Variants in INTS2 observed in about 807,000 individuals in gnomAD.
INTS2 encodes the protein integrator complex subunit 2, also known as KIAA1287.
A neutral mutation model predicts 139.6 loss-of-function variants in INTS2; 57 were observed. The ratio of observed to expected loss-of-function variants is 0.41; its 90% confidence interval spans 0.33 to 0.51. The LOEUF (loss-of-function observed/expected upper bound fraction) is 0.51, where lower values mean the gene tolerates loss of function less well. INTS2 is among the 20% of genes least tolerant of loss of function. The pLI is 0.28. For missense variants in INTS2, 1,196 were observed against 1,436.7 expected, an observed-to-expected ratio of 0.83 and a Z score of 2.71; for synonymous variants, 473 against 493.4, an observed-to-expected ratio of 0.96 and a Z score of 0.55.
Position 61,911,553 on chromosome 17 carries a change from A to C in INTS2, c.921T>G (p.Thr307=). 1.2e-6 allele frequency: 2 copies of C among 1,614,002 alleles called. No homozygotes were observed. Residue 307 remains threonine (T), a synonymous_variant, in exon 7 of 25, where the codon ACT becomes ACG. Coordinates refer to ENST00000251334, the MANE Select transcript of INTS2 (RefSeq NM_001351695.2). ...CATTTCGGATAAAAGTTCCAAACCA[A>C]GTCCGGACTTTCGCATTTGTTCCAA... ...LLLGTNAKVR[T]WFGTFIRNGQ... is the part of the protein sequence containing the mutation.
rs551691496 is a variant in INTS2, at chr17:61,902,929, G to A, written c.1307+1531C>T. Reference sequence around the variant, plus strand: ...CGCCTGTAATCCCAGCACTTTGGGAGGCCGAGGCGGGTGGATCGCGAGGTC... The same window carrying A: ...CGCCTGTAATCCCAGCACTTTGGGAAGCCGAGGCGGGTGGATCGCGAGGTC... On this transcript the variant is annotated intron_variant, in intron 9 of 24. Transcript: ENST00000251334. Among the ~76,000 whole-genome samples the A allele has an allele frequency of 5.0e-4, 75 of 151,074 alleles. 1 individual carries two copies. Among genetic ancestry groups the A allele is most frequent in the African/African-American group, 1.8e-3 (74 of 41,292 alleles).
rs78460850 is a variant in INTS2, at chr17:61,909,823, ATGTGTGTGTGTGTG to A, written c.954+1683_954+1696del. Among the ~76,000 whole-genome samples the A allele has an allele frequency of 1.3e-4, 18 of 138,888 alleles. No individual in the cohort carries two copies. Among genetic ancestry groups the A allele is most frequent in the Admixed American group, 7.2e-4 (10 of 13,976 alleles). The allele number at this position is 138,888 out of a possible 152,430, so 91.1% of individuals were successfully genotyped here. Reference sequence around the variant, plus strand: ...TATACGTGTGTGTGTACATGTGTGTATGTGTGTGTGTGTGTGTGTGTGTGTGTGTGTGTGTGTGC... The same window carrying A: ...TATACGTGTGTGTGTACATGTGTGTATGTGTGTGTGTGTGTGTGTGTGTGC... On this transcript the variant is annotated intron_variant, in intron 7 of 24. Transcript: ENST00000251334. The surrounding 1 kb of genome is among the most constrained non-coding windows in gnomAD (Gnocchi z 4.9).
chr17:61,874,464 G>T (rs2079112207), intron 19 of INTS2, among the ~76,000 whole-genome samples: 1 of 152,180 alleles, frequency 6.6e-6, no homozygotes, highest in African/African-American at 2.4e-5. Flanking sequence ...AAGCAATGCT[G>T]AAGTTTAGCA....
chr17:61,927,748 G>T lies in INTS2; in HGVS notation c.-113C>A. The T allele has an allele frequency of 6.6e-7, 1 of 1,513,226 alleles. No individual in the cohort carries two copies. The highest frequency in any genetic ancestry group is 8.8e-7 in the Non-Finnish European group (1 of 1,133,676). The allele number at this position is 1,513,226 out of a possible 1,614,324, so 93.7% of individuals were successfully genotyped here. A position where few individuals can be genotyped will look rare whatever the true frequency, so the allele number is the denominator to read the frequency against. ...AAATCGAGAGCGCGGTCCGATGTTG[G>T]GCCTAGGCGATATCCGGAACCCCAA... is the stretch of plus-strand genomic sequence containing the variant. On this transcript the variant is annotated 5_prime_UTR_variant, in exon 1 of 25. Transcript: ENST00000251334.
chr17:61,869,890 T>C lies in INTS2; in HGVS notation c.2877A>G (p.Gln959=). 6.2e-7 allele frequency: 1 copy of C among 1,613,942 alleles called. No individual in the cohort carries two copies. The highest frequency in any genetic ancestry group is 8.5e-7 in the Non-Finnish European group (1 of 1,179,832). Reference sequence around the variant, plus strand: ...TTGGAGCGCTGGTGGTAATAACACTTTGAACATTTCTTAACAAGCTATCTG... The same window carrying C: ...TTGGAGCGCTGGTGGTAATAACACTCTGAACATTTCTTAACAAGCTATCTG... ...VNPDSLLRNV[Q]SVITTSAPNK... The change falls in exon 21 of 25, where the codon CAA becomes CAG. Residue 959 remains glutamine (Q), a synonymous_variant. Transcript: ENST00000251334. The surrounding 1 kb of genome is among the most constrained non-coding windows in gnomAD (Gnocchi z 5.4).
At chr17:61,915,377 T>TAAGC (rs2079570490) in intron 5 of INTS2, among the ~76,000 whole-genome samples, 1 of 147,178 alleles carries the variant, frequency 6.8e-6, no homozygotes, top group South Asian at 2.1e-4. Flanking sequence ...AATAAATAAA[T>TAAGC]AAGCCAGGTG....
intron 1 of INTS2, 110 bp downstream of exon 1, chr17:61,927,544 C>T: frequency 1.5e-6 from 1 of 680,558 alleles, no homozygotes; most frequent in Non-Finnish European, 1.9e-6. Flanking sequence ...TCCTCCGTCT[C>T]GCCCCGGGCG....
rs1053468629 is a variant in INTS2, at chr17:61,893,455, G to C, written c.1698+310C>G. 1.3e-5 allele frequency among the ~76,000 whole-genome samples: 2 copies of C among 152,108 alleles called. No individual in the cohort carries two copies. ...TCACGCCTGTAATCCCAGCACTTTG[G>C]TCGGTTGAGACAGGCATATCACTTG... On this transcript the variant is annotated intron_variant, in intron 13 of 24. Transcript: ENST00000251334. This position sits in a 1 kb window ranked among gnomAD's most constrained non-coding sequence, Gnocchi z 5.4.
chr17:61,895,309 A>G lies in INTS2; in HGVS notation c.1563+6T>C. Reference sequence around the variant, plus strand: ...TAAATAAGTACCTAAGAATAAAAAGAAATACCTGCTCAGTAAAAATTTCCT... The same window carrying G: ...TAAATAAGTACCTAAGAATAAAAAGGAATACCTGCTCAGTAAAAATTTCCT... On this transcript the variant is annotated splice_donor_region_variant and intron_variant, in intron 12 of 24. Coordinates refer to ENST00000251334, the MANE Select transcript of INTS2 (RefSeq NM_001351695.2). 1 of 1,540,520 alleles carries G rather than the reference A, an allele frequency of 6.5e-7. No individual in the cohort carries two copies. The highest frequency in any genetic ancestry group is 1.2e-5 in the South Asian group (1 of 80,648).
rs772583088 is a variant in INTS2 at position 61,869,906 on chromosome 17, A to C, written c.2861T>G (p.Leu954Trp). 1 of 1,613,908 alleles carries C rather than the reference A, an allele frequency of 6.2e-7. No individual in the cohort carries two copies. The highest frequency in any genetic ancestry group is 1.1e-5 in the South Asian group (1 of 91,076). Reference protein sequence around the residue: ...EKANGVNPDSLLRNVQSVITT... With the variant: ...EKANGVNPDSWLRNVQSVITT... ...AATAACACTTTGAACATTTCTTAAC[A>C]AGCTATCTGGATTGACACCATTTGC... The change falls in exon 21 of 25, where the codon TTG becomes TGG. Residue 954 changes from leucine (L) to tryptophan (W), a missense_variant. This residue lies in a region of INTS2 where 1,129 missense variants were observed against 1,341.9 expected (regional missense o/e 0.84). Coordinates refer to ENST00000251334, the MANE Select transcript of INTS2 (RefSeq NM_001351695.2). This position sits in a 1 kb window ranked among gnomAD's most constrained non-coding sequence, Gnocchi z 5.4.
chr17:61,873,834 C>T lies in INTS2; in HGVS notation c.2582+1079G>A, dbSNP rs1040170116. Among the ~76,000 whole-genome samples the T allele has an allele frequency of 6.6e-6, 1 of 152,128 alleles. No homozygotes were observed. Among genetic ancestry groups the T allele is most frequent in the African/African-American group, 2.4e-5 (1 of 41,430 alleles). On this transcript the variant is annotated intron_variant, in intron 19 of 24. Coordinates refer to ENST00000251334, the MANE Select transcript of INTS2 (RefSeq NM_001351695.2). This position sits in a 1 kb window ranked among gnomAD's most constrained non-coding sequence, Gnocchi z 4.0. ...ATCCACCTAGCACAAAGCATCTTTT[C>T]CTAAGTTATAACCCCAACCACATTA...
intron 7 of INTS2, chr17:61,910,591 CAAAAAA>C (rs759701649): frequency 4.9e-5 from 4 of 81,576 alleles, no homozygotes; most frequent in African/African-American, 1.0e-4. Flanking sequence ...GACGCCGTCT[CAAAAAA>C]AAAAAAAAAA....
chr17:61,896,544 CATA>C (rs1199435488), intron 11 of INTS2, among the ~76,000 whole-genome samples: 1 of 151,862 alleles, frequency 6.6e-6, no homozygotes, highest in Non-Finnish European at 1.5e-5. Flanking sequence ...ATGTATAAGG[CATA>C]ATGACATATC....
intron 15 of INTS2, among the ~76,000 whole-genome samples, chr17:61,886,199 C>T (rs549795635): frequency 3.9e-5 from 6 of 152,014 alleles, no homozygotes; most frequent in Non-Finnish European, 5.9e-5. Flanking sequence ...TACAGGTGCC[C>T]GCCACCACGC....
At chr17:61,912,962 G>C (rs1161718500) in intron 5 of INTS2, among the ~76,000 whole-genome samples, 1 of 152,026 alleles carries the variant, frequency 6.6e-6, no homozygotes, top group African/African-American at 2.4e-5. Context: ...TATAGTCCCA[G>C]CTGCTCAGGA....
At position 61,869,491 on chromosome 17, in the gene INTS2, C is replaced by A; in HGVS notation, c.3031-111G>T. The A allele has an allele frequency of 1.1e-6, 1 of 872,546 alleles. No individual in the cohort carries two copies. The highest frequency in any genetic ancestry group is 1.8e-5 in the South Asian group (1 of 56,184). The allele number at this position is 872,546 out of a possible 1,614,324, so 54.1% of individuals were successfully genotyped here. A position where few individuals can be genotyped will look rare whatever the true frequency, so the allele number is the denominator to read the frequency against. Reference sequence around the variant, plus strand: ...CTTTCTGTAAAAATTGCTCAGAAGGCTATAGTGCCCCATATGTAACCTGGC... The same window carrying A: ...CTTTCTGTAAAAATTGCTCAGAAGGATATAGTGCCCCATATGTAACCTGGC... On this transcript the variant is annotated intron_variant, in intron 21 of 24. Transcript: ENST00000251334. The surrounding 1 kb of genome is among the most constrained non-coding windows in gnomAD (Gnocchi z 5.4).
rs1028441383 is a variant in INTS2 at position 61,868,627 on chromosome 17, C to T, written c.3244+407G>A. Among the ~76,000 whole-genome samples, 5 of 152,092 alleles carry T rather than the reference C, an allele frequency of 3.3e-5. No homozygotes were observed. Among genetic ancestry groups the T allele is most frequent in the African/African-American group, 1.2e-4 (5 of 41,432 alleles). On this transcript the variant is annotated intron_variant, in intron 23 of 24. Transcript: ENST00000251334. The surrounding 1 kb of genome is among the most constrained non-coding windows in gnomAD (Gnocchi z 4.7). ...TTAGAACTTATGAAGACATCTAATA[C>T]ATTTATCTTTCATTTATACATATGA...
chr17:61,872,584 C>T lies in INTS2; in HGVS notation c.2583-124G>A. 3 of 521,232 alleles carry T rather than the reference C, an allele frequency of 5.8e-6. No individual in the cohort carries two copies. The highest frequency in any genetic ancestry group is 9.7e-6 in the Non-Finnish European group (3 of 309,458). The allele number at this position is 521,232 out of a possible 1,614,324, so 32.3% of individuals were successfully genotyped here. A position where few individuals can be genotyped will look rare whatever the true frequency, so the allele number is the denominator to read the frequency against. The stretch of plus-strand genomic sequence containing the variant: ...CTGAGTAGTACATACTAACTTTTCC[C>T]ACTAAAATATTCATTCTCAAAAGTT... On this transcript the variant is annotated intron_variant, in intron 19 of 24. Coordinates refer to ENST00000251334, the MANE Select transcript of INTS2 (RefSeq NM_001351695.2). The surrounding 1 kb of genome is among the most constrained non-coding windows in gnomAD (Gnocchi z 4.8).
At chr17:61,922,548 G>GTATA (rs1491297129) in intron 3 of INTS2, among the ~76,000 whole-genome samples, 2 of 81,036 alleles carry the variant, frequency 2.5e-5, no homozygotes, top group Non-Finnish European at 6.1e-5. Flanking sequence ...ATATATATAC[G>GTATA]TGTTCAATTC....
Sources: gnomAD v4.1 joint callset for allele counts (sites outside exome capture counted in the v4.1 genomes callset) on GRCh38, gnomAD v4.1.1 for gene constraint, gnomAD v4.1.1 regional missense constraint, Gnocchi (gnomAD v3.1) non-coding constraint, MANE v1.5 for transcripts, NCBI Gene and HGNC (gene_info 2026-07-23, HGNC 2026-07-21) for gene names.